ESCO2: variants seen among roughly 807,000 people sequenced by gnomAD.
ESCO2 encodes the protein establishment of sister chromatid cohesion N-acetyltransferase 2, also known as N-acetyltransferase ESCO2.
In ESCO2, 51 loss-of-function variants were observed where a neutral mutation model predicts 61.7. That is an observed-to-expected ratio of 0.83 (90% CI 0.66 to 1.04). The LOEUF is 1.04. ESCO2 is among the 50% of genes least tolerant of loss of function. ESCO2 has a pLI of 0.00. For synonymous variants in ESCO2, 230 were observed against 238.2 expected (o/e 0.97, Z 0.32); for missense variants, 692 against 686.2 (o/e 1.01, Z -0.09).
rs1804806714 is a variant in ESCO2, at chr8:27,776,949, G to GA, written c.648dup (p.Ser217IlefsTer4). On this transcript the variant is annotated frameshift_variant, in exon 3 of 11. Coordinates refer to ENST00000305188, the MANE Select transcript of ESCO2 (RefSeq NM_001017420.3). LOFTEE classifies it high-confidence loss of function. ...CAGGGTGGAGCAGCATTTTTTGTTAGAAAAAAATCTTCTCTTAGAAAATCG... is the reference window on the plus strand; with the variant it reads ...CAGGGTGGAGCAGCATTTTTTGTTAGAAAAAAAATCTTCTCTTAGAAAATCG... 5 of 1,611,880 alleles carry GA rather than the reference G, an allele frequency of 3.1e-6. No individual in the cohort carries two copies. Among genetic ancestry groups the GA allele is most frequent in the Admixed American group, 1.7e-5 (1 of 59,418 alleles).
Position 27,803,546 on chromosome 8 carries a change from T to TCGTACACA in ESCO2, c.*109_*110insGTACACAC. 8.9e-7 allele frequency: 1 copy of TCGTACACA among 1,124,672 alleles called. No homozygotes were observed. The highest frequency in any genetic ancestry group is 2.8e-5 in the East Asian group (1 of 35,188). The allele number at this position is 1,124,672 out of a possible 1,614,324, so 69.7% of individuals were successfully genotyped here. ...AAATAAAAAATACCGAGACTCACACTCATACACACACACACACACACGCAC... is the reference window on the plus strand; with the variant it reads ...AAATAAAAAATACCGAGACTCACACTCGTACACACATACACACACACACACACACGCAC... On this transcript the variant is annotated 3_prime_UTR_variant, in exon 11 of 11. Coordinates refer to ENST00000305188, the MANE Select transcript of ESCO2 (RefSeq NM_001017420.3).
In ESCO2 at chr8:27,783,980, C is replaced by T. The variant is rs1804980740; in HGVS notation, c.956-20C>T. ...GATTTTATTTGGTAATACACATTAT[C>T]ATGATTTTTCCCCTACCAGTTTCTC... On this transcript the variant is annotated intron_variant, in intron 4 of 10. Coordinates refer to ENST00000305188, the MANE Select transcript of ESCO2 (RefSeq NM_001017420.3). The T allele has an allele frequency of 6.3e-7, 1 of 1,597,618 alleles. No homozygotes were observed. The highest frequency in any genetic ancestry group is 1.3e-5 in the African/African-American group (1 of 74,622).
chr8:27,783,947 A>T, intron 4 of ESCO2, 53 bp from the exon 5 acceptor site: 1 of 1,450,758 alleles, frequency 6.9e-7, no homozygotes, highest in Non-Finnish European at 9.7e-7. Context: ...CTTATGAATT[A>T]AAGCTTTGAT....
In ESCO2 at chr8:27,774,626, C is replaced by T. The variant is rs2272730; in HGVS notation, c.-17+19C>T. 63,613 of 152,170 alleles carry T rather than the reference C, an allele frequency of 0.42. 13,627 individuals are homozygous for T. The highest frequency in any genetic ancestry group is 0.61 in the East Asian group (3,178 of 5,168). 9.4% of individuals were successfully genotyped at this position (152,170 alleles called of 1,614,324 possible). A position where few individuals can be genotyped will look rare whatever the true frequency, so the allele number is the denominator to read the frequency against. ...GGCGCAGGTAACCTCTGGAGTAGGC[C>T]GAGGCGGGGGGCTGTGGAAGGCTGA... On this transcript the variant is annotated intron_variant, in intron 1 of 10. Coordinates refer to ENST00000305188, the MANE Select transcript of ESCO2 (RefSeq NM_001017420.3).
Position 27,803,723 on chromosome 8 carries a change from A to ATT in ESCO2, c.*285_*286insTT. The ATT allele has an allele frequency of 8.5e-7, 1 of 1,177,850 alleles. No individual in the cohort carries two copies. Among genetic ancestry groups the ATT allele is most frequent in the Non-Finnish European group, 1.1e-6 (1 of 951,160 alleles). 73.0% of individuals were successfully genotyped at this position (1,177,850 alleles called of 1,614,324 possible). A position where few individuals can be genotyped will look rare whatever the true frequency, so the allele number is the denominator to read the frequency against. ...ATGAAACTTTGTAGCTATAACTGGA[A>ATT]AATTACCTGACTCTTTGTAAGAGTA... On this transcript the variant is annotated 3_prime_UTR_variant, in exon 11 of 11. Coordinates refer to ENST00000305188, the MANE Select transcript of ESCO2 (RefSeq NM_001017420.3).
downstream of ESCO2, among the ~76,000 whole-genome samples, chr8:27,816,879 GGTA>G (rs1280815066): frequency 4.6e-5 from 7 of 151,752 alleles, no homozygotes; most frequent in Non-Finnish European, 8.8e-5. Flanking sequence ...TCTATTGTGT[GGTA>G]GTATAAATTA....
At chr8:27,800,717 T>A (rs1214765036) in intron 10 of ESCO2, among the ~76,000 whole-genome samples, 1 of 152,212 alleles carries the variant, frequency 6.6e-6, no homozygotes, top group Non-Finnish European at 1.5e-5. Flanking sequence ...GATTAATGGA[T>A]AAATGTGATA....
At chr8:27,801,053 C>G (rs1417052390) in intron 10 of ESCO2, among the ~76,000 whole-genome samples, 1 of 152,088 alleles carries the variant, frequency 6.6e-6, no homozygotes, top group Non-Finnish European at 1.5e-5. Flanking sequence ...CACAAAACCA[C>G]TCTGTTGTAC....
At chr8:27,802,323 C>T (rs766924964) in intron 10 of ESCO2, among the ~76,000 whole-genome samples, 6 of 151,000 alleles carry the variant, frequency 4.0e-5, no homozygotes, top group Non-Finnish European at 4.4e-5. Flanking sequence ...ATAGGCTGGA[C>T]GGTCGCTCTT....
At chr8:27,818,713 C>T in the ESCO2 span, among the ~76,000 whole-genome samples, 5 of 152,180 alleles carry the variant, frequency 3.3e-5, no homozygotes, top group African/African-American at 1.2e-4. Context: ...CTCCCTGCCC[C>T]TCTCCAACCC....
downstream of ESCO2, chr8:27,812,588 A>C (rs1368938103): frequency 6.6e-6 from 1 of 151,528 alleles, no homozygotes; most frequent in African/African-American, 2.4e-5. Context: ...AAGGGCTAAT[A>C]TCCAGAATCT....
chr8:27,797,313 C>T (rs1298873369), intron 9 of ESCO2, among the ~76,000 whole-genome samples: 3 of 152,044 alleles, frequency 2.0e-5, no homozygotes, highest in African/African-American at 7.2e-5. Flanking sequence ...TGAATTGACC[C>T]TTTTATTATA....
chr8:27,814,430 T>C (rs140525473), downstream of ESCO2, among the ~76,000 whole-genome samples: 25 of 152,242 alleles, frequency 1.6e-4, no homozygotes, highest in African/African-American at 5.1e-4. Context: ...TCTTGATCAG[T>C]CTAGATAAAG....
chr8:27,790,299 C>T (rs992413990), intron 7 of ESCO2, among the ~76,000 whole-genome samples: 1 of 152,204 alleles, frequency 6.6e-6, no homozygotes. Context: ...CAAATACATT[C>T]TCCCTGTCCC....
intron 3 of ESCO2, chr8:27,779,358 C>T (rs1804871689): frequency 6.6e-6 from 1 of 152,044 alleles, no homozygotes. Context: ...TTCCTTTTTC[C>T]CCAAGCTATA....
At chr8:27,786,672 G>A (rs535741072) in intron 5 of ESCO2, among the ~76,000 whole-genome samples, 1 of 152,248 alleles carries the variant, frequency 6.6e-6, no homozygotes, top group African/African-American at 2.4e-5. Context: ...TACTAGTCAT[G>A]TGAAATGTAT....
At chr8:27,816,246 T>G (rs78451596), downstream of ESCO2, among the ~76,000 whole-genome samples, 446 of 151,992 alleles carry the variant, frequency 2.9e-3, 8 homozygotes, top group African/African-American at 0.01. Context: ...GTCTGTCTCA[T>G]GTACTCTATA....
chr8:27,778,663 G>C (rs1804855355), intron 3 of ESCO2: 1 of 152,090 alleles, frequency 6.6e-6, no homozygotes. Context: ...ACAGCCTGGT[G>C]GTGTACCAAA....
At chr8:27,796,032 T>A (rs1002112623) in intron 9 of ESCO2, among the ~76,000 whole-genome samples, 1 of 152,128 alleles carries the variant, frequency 6.6e-6, no homozygotes, top group Non-Finnish European at 1.5e-5. Context: ...TCTTTAAATA[T>A]CTGGTAGAAT....
Sources: gnomAD v4.1 joint callset for allele counts (sites outside exome capture counted in the v4.1 genomes callset) on GRCh38, gnomAD v4.1.1 for gene constraint, MANE v1.5 for transcripts, NCBI Gene and HGNC (gene_info 2026-07-23, HGNC 2026-07-21) for gene names.